Variants in B4GALNT2 observed in about 807,000 individuals in gnomAD.
The protein encoded by B4GALNT2 is N-acetylneuraminylgalactosylglucosyl-glucoside beta-1,4-N- acetylgalactosaminyltransferase 2.
B4GALNT2 carries 42 observed loss-of-function variants against 51.1 expected under a neutral mutation model. The ratio of observed to expected loss-of-function variants is 0.82; its 90% CI spans 0.64 to 1.06. B4GALNT2 has a LOEUF of 1.06. Ranked by LOEUF, B4GALNT2 falls within the 50% of genes least tolerant of loss-of-function variation. The probability of loss-of-function intolerance (pLI) is 0.00; values close to 1 mark genes in which losing one functional copy is unlikely to be tolerated. For synonymous variants in B4GALNT2, 253 were observed against 251.7 expected (o/e 1.01, Z -0.05); for missense variants, 602 against 633.6 (o/e 0.95, Z 0.54).
At chr17:49,159,292 C>T (rs2042840696) in intron 6 of B4GALNT2, 75 bp downstream of exon 6, 4 of 1,422,746 alleles carry the variant, frequency 2.8e-6, no homozygotes, top group Admixed American at 2.0e-5. Context: ...AAGTCTTCCT[C>T]CTTCAGGAAG....
At chr17:49,165,631 C>T (rs1300308275) in intron 8 of B4GALNT2, among the ~76,000 whole-genome samples, 1 of 145,566 alleles carries the variant, frequency 6.9e-6, no homozygotes, top group Admixed American at 6.9e-5. Context: ...TCCCACCCTT[C>T]CTCTCTCTTT....
chr17:49,150,918 AT>A (rs1376664587), intron 3 of B4GALNT2, among the ~76,000 whole-genome samples: 4 of 152,054 alleles, frequency 2.6e-5, no homozygotes, highest in African/African-American at 9.7e-5. Flanking sequence ...AGAATGATCA[AT>A]TAAAAAAATA....
In B4GALNT2 at chr17:49,174,879, A is replaced by G. The variant is rs898980800; in HGVS notation, c.*5151A>G. 3.3e-5 allele frequency: 5 copies of G among 152,182 alleles called. No homozygotes were observed. The highest frequency in any genetic ancestry group is 9.7e-5 in the African/African-American group (4 of 41,436). The allele number at this position is 152,182 out of a possible 1,614,324, so 9.4% of individuals were successfully genotyped here. On this transcript the variant is annotated 3_prime_UTR_variant, in exon 11 of 11. Coordinates refer to ENST00000393354, the MANE Select transcript of B4GALNT2 (RefSeq NM_001159387.2). ...ATCTTGCAAATTTTTTCCTAGTCCCATACCAGGGACATACCCCATTTCATG... is the reference window on the plus strand; with the variant it reads ...ATCTTGCAAATTTTTTCCTAGTCCCGTACCAGGGACATACCCCATTTCATG...
At chr17:49,129,338 C>G (rs1310228146), upstream of B4GALNT2, among the ~76,000 whole-genome samples, 2 of 152,182 alleles carry the variant, frequency 1.3e-5, no homozygotes, top group Non-Finnish European at 2.9e-5. Flanking sequence ...CAGCCCGAGC[C>G]TTGCAGGCCC....
Position 49,174,622 on chromosome 17 carries a change from G to T in B4GALNT2, c.*4894G>T, listed in dbSNP as rs2042976767. The T allele has an allele frequency of 6.6e-6, 1 of 152,174 alleles. No homozygotes were observed. The highest frequency in any genetic ancestry group is 6.5e-5 in the Admixed American group (1 of 15,280). 9.4% of individuals were successfully genotyped at this position (152,174 alleles called of 1,614,324 possible). A position where few individuals can be genotyped will look rare whatever the true frequency, so the allele number is the denominator to read the frequency against. ...TTTTCTTAATTATAAAAACTGGAGA[G>T]TTCCAAGGGGAAAATGTTGGAGCTA... is the stretch of plus-strand genomic sequence containing the variant. On this transcript the variant is annotated 3_prime_UTR_variant, in exon 11 of 11. Coordinates refer to ENST00000393354, the MANE Select transcript of B4GALNT2 (RefSeq NM_001159387.2).
At position 49,135,680 on chromosome 17, in the gene B4GALNT2, C is replaced by T. The variant is rs113962959; in HGVS notation, c.14+2874C>T. ...CCTCTGTGGTGTGTGCCTATAGTCC[C>T]AGCTACTCAGAAAGCTGAGGCAGGA... On this transcript the variant is annotated intron_variant, in intron 1 of 10. Transcript: ENST00000393354. Among the ~76,000 whole-genome samples the T allele has an allele frequency of 3.9e-4, 59 of 152,206 alleles. 1 individual carries two copies. Among genetic ancestry groups the T allele is most frequent in the African/African-American group, 1.4e-3 (57 of 41,532 alleles).
In B4GALNT2 at chr17:49,136,660, T is replaced by C. The variant is rs373753400; in HGVS notation, c.14+3854T>C. Among the ~76,000 whole-genome samples, 266 of 152,070 alleles carry C rather than the reference T, an allele frequency of 1.7e-3. 4 individuals are homozygous for C. The highest frequency in any genetic ancestry group is 5.8e-3 in the African/African-American group (240 of 41,502). ...CTCCTGGGTTCAAGTGATTCTTATA[T>C]CTCAGCCTTCCAAGTAGCTGGGATT... On this transcript the variant is annotated intron_variant, in intron 1 of 10. Transcript: ENST00000393354.
At position 49,148,399 on chromosome 17, in the gene B4GALNT2, GAC is replaced by G. The variant is rs533208566; in HGVS notation, c.354-4397_354-4396del. ...TGCCTCTTACTGGAATTTGGTTGTT[GAC>G]ACAGCCTCAGCCTCGGCATTCTTGT... On this transcript the variant is annotated intron_variant, in intron 3 of 10. Transcript: ENST00000393354. 2.8e-4 allele frequency: 91 copies of G among 329,766 alleles called. 1 individual carries two copies. The East Asian group carries it at 5.4e-3, about 20-fold the overall frequency. 20.4% of individuals were successfully genotyped at this position (329,766 alleles called of 1,614,324 possible).
chr17:49,130,197 C>G (rs140842321), upstream of B4GALNT2, among the ~76,000 whole-genome samples: 2 of 152,352 alleles, frequency 1.3e-5, no homozygotes, highest in African/African-American at 4.8e-5. Flanking sequence ...AAGAGTTATG[C>G]CTGAACTATC....
intron 7 of B4GALNT2, 33 bp from the exon 8 acceptor site, chr17:49,164,055 A>G: frequency 6.3e-7 from 1 of 1,597,554 alleles, no homozygotes; most frequent in East Asian, 2.2e-5. Flanking sequence ...TTCCTACAGG[A>G]CAGAGCTCTG....
intron 3 of B4GALNT2, among the ~76,000 whole-genome samples, chr17:49,144,821 A>C (rs2042677937): frequency 6.6e-6 from 1 of 152,200 alleles, no homozygotes; most frequent in Non-Finnish European, 1.5e-5. Flanking sequence ...ATTAACTTAC[A>C]TGATCACAAG....
At chr17:49,132,206 A>C (rs2042545160), upstream of B4GALNT2, among the ~76,000 whole-genome samples, 2 of 152,196 alleles carry the variant, frequency 1.3e-5, no homozygotes. Context: ...CATGGGAAAC[A>C]CTGAGCCTGG....
upstream of B4GALNT2, among the ~76,000 whole-genome samples, chr17:49,131,462 GAA>G (rs367790096): frequency 0.013 from 1,265 of 99,938 alleles, 10 homozygotes; most frequent in East Asian, 0.084. Context: ...CCCAGACTCC[GAA>G]AAAAAAAAAA....
intron 9 of B4GALNT2, among the ~76,000 whole-genome samples, chr17:49,167,051 G>T (rs937994850): frequency 6.6e-6 from 1 of 152,154 alleles, no homozygotes; most frequent in South Asian, 2.1e-4. Flanking sequence ...AAGTGGTGTC[G>T]TGATCACAGT....
intron 1 of B4GALNT2, 147 bp downstream of exon 1, chr17:49,132,953 A>C: frequency 7.1e-7 from 1 of 1,400,916 alleles, no homozygotes; most frequent in South Asian, 1.7e-5. Context: ...TCTTAAGTCC[A>C]ACCGGTTCCC....
chr17:49,143,380 T>G (rs1333483843), intron 3 of B4GALNT2, among the ~76,000 whole-genome samples: 2 of 152,174 alleles, frequency 1.3e-5, no homozygotes, highest in Non-Finnish European at 2.9e-5. Flanking sequence ...AGAAGGATGC[T>G]GGGGCCTTAC....
rs375143345 is a variant in B4GALNT2, at chr17:49,141,230, C to T, written c.15-17C>T. 6.2e-7 allele frequency: 1 copy of T among 1,607,458 alleles called. No homozygotes were observed. Among genetic ancestry groups the T allele is most frequent in the Non-Finnish European group, 8.5e-7 (1 of 1,173,948 alleles). ...AAAAAAGATTTTAACATAATCTGTTCTTTTGTGTCCCAACAGCTCGAGATT... is the reference window on the plus strand; with the variant it reads ...AAAAAAGATTTTAACATAATCTGTTTTTTTGTGTCCCAACAGCTCGAGATT... On this transcript the variant is annotated splice_polypyrimidine_tract_variant and intron_variant, in intron 1 of 10. Transcript: ENST00000393354.
At chr17:49,136,123 T>C (rs927296857) in intron 1 of B4GALNT2, among the ~76,000 whole-genome samples, 10 of 151,224 alleles carry the variant, frequency 6.6e-5, no homozygotes, top group Non-Finnish European at 1.2e-4. Flanking sequence ...CTTTTATTCA[T>C]GTGGTTATTA....
intron 4 of B4GALNT2, among the ~76,000 whole-genome samples, chr17:49,153,300 A>G (rs572415117): frequency 6.6e-6 from 1 of 151,970 alleles, no homozygotes; most frequent in East Asian, 1.9e-4. Context: ...CTGTAGTCCC[A>G]ACTACTTGTG....
Sources: gnomAD v4.1 joint callset for allele counts (sites outside exome capture counted in the v4.1 genomes callset) on GRCh38, gnomAD v4.1.1 for gene constraint, MANE v1.5 for transcripts, NCBI Gene and HGNC (gene_info 2026-07-23, HGNC 2026-07-21) for gene names.